The following BCL11A variants were observed in gnomAD, a reference collection of about 807,000 sequenced individuals.
The protein encoded by BCL11A is B cell CLL/lymphoma 11A.
A neutral mutation model predicts 55.9 loss-of-function variants in BCL11A; 2 were observed. The ratio of observed to expected loss-of-function variants is 0.04; its 90% CI spans 0.01 to 0.11. The LOEUF (loss-of-function observed/expected upper bound fraction) is 0.11. BCL11A is among the 10% of genes least tolerant of loss of function. The probability of loss-of-function intolerance (pLI) is 1.00; values close to 1 mark genes in which losing one functional copy is unlikely to be tolerated. For missense variants in BCL11A, 817 were observed against 1,137.1 expected, an observed-to-expected ratio of 0.72 and a Z score of 4.05; for synonymous variants, 465 against 473.4, an observed-to-expected ratio of 0.98 and a Z score of 0.23.
intron 2 of BCL11A, among the ~76,000 whole-genome samples, chr2:60,482,369 A>T (rs1678011891): frequency 6.6e-6 from 1 of 152,114 alleles, no homozygotes; most frequent in Non-Finnish European, 1.5e-5. Context: ...ACTGGAGAAA[A>T]GTGAGAAATG....
chr2:60,552,267 T>A (rs917284420), intron 1 of BCL11A, among the ~76,000 whole-genome samples: 2 of 152,042 alleles, frequency 1.3e-5, no homozygotes, highest in Admixed American at 1.3e-4. Flanking sequence ...TTTTATGTAT[T>A]TATTTATTTA....
Position 60,457,768 on chromosome 2 carries a change from C to G in BCL11A, c.*2636G>C. 1 of 1,034,370 alleles carries G rather than the reference C, an allele frequency of 9.7e-7. No individual in the cohort carries two copies. The highest frequency in any genetic ancestry group is 1.2e-6 in the Non-Finnish European group (1 of 861,516). The allele number at this position is 1,034,370 out of a possible 1,614,324, so 64.1% of individuals were successfully genotyped here. On this transcript the variant is annotated 3_prime_UTR_variant, in exon 4 of 4. Coordinates refer to ENST00000642384, the MANE Select transcript of BCL11A (RefSeq NM_022893.4). ...GTGATAGAAGGAAAGGGACAAAAAG[C>G]ACACTACATAACAAACCAACGTTAT... is the stretch of plus-strand genomic sequence containing the variant.
chr2:60,541,918 A>G (rs894493090), intron 2 of BCL11A: 3 of 709,486 alleles, frequency 4.2e-6, no homozygotes, highest in Non-Finnish European at 7.8e-6. Flanking sequence ...CCTCCAGTTC[A>G]GTCTGAGCTA....
At chr2:60,504,926 G>A (rs1313317301) in intron 2 of BCL11A, among the ~76,000 whole-genome samples, 1 of 152,142 alleles carries the variant, frequency 6.6e-6, no homozygotes, top group Non-Finnish European at 1.5e-5. Context: ...CCTTCTGCAA[G>A]CCACAACTTC....
intron 1 of BCL11A, among the ~76,000 whole-genome samples, chr2:60,551,135 G>A (rs1440256115): frequency 6.6e-6 from 1 of 152,212 alleles, no homozygotes. Context: ...CTTTAAAACT[G>A]CATCAAAAAT....
At chr2:60,499,277 AG>A (rs1451769246) in intron 2 of BCL11A, among the ~76,000 whole-genome samples, 1 of 152,156 alleles carries the variant, frequency 6.6e-6, no homozygotes, top group African/African-American at 2.4e-5. Flanking sequence ...ACAGAGCTGC[AG>A]GGGTGTGACG....
intron 2 of BCL11A, among the ~76,000 whole-genome samples, chr2:60,516,848 G>A (rs1180228761): frequency 6.6e-6 from 1 of 152,234 alleles, no homozygotes; most frequent in Non-Finnish European, 1.5e-5. Context: ...ATTGGACTCT[G>A]TAGTTATCAG....
In BCL11A at chr2:60,458,857, AAG is replaced by A; in HGVS notation, c.*1545_*1546del. The A allele has an allele frequency of 9.7e-7, 1 of 1,027,118 alleles. No homozygotes were observed. Among genetic ancestry groups the A allele is most frequent in the Non-Finnish European group, 1.2e-6 (1 of 853,022 alleles). 63.6% of individuals were successfully genotyped at this position (1,027,118 alleles called of 1,614,324 possible). A position where few individuals can be genotyped will look rare whatever the true frequency, so the allele number is the denominator to read the frequency against. On this transcript the variant is annotated 3_prime_UTR_variant, in exon 4 of 4. Transcript: ENST00000642384. ...TGGGGCAGATGCTAGCTTAATAAAA[AAG>A]AAAAAATTAAAAAAATAAAAATAAA...
At chr2:60,512,468 T>A (rs1240498792) in intron 2 of BCL11A, among the ~76,000 whole-genome samples, 2 of 152,212 alleles carry the variant, frequency 1.3e-5, no homozygotes, top group African/African-American at 4.8e-5. Flanking sequence ...GCCTCTCAAA[T>A]GAGAAAGGCA....
chr2:60,475,890 T>A (rs1677564521), intron 2 of BCL11A, among the ~76,000 whole-genome samples: 1 of 152,236 alleles, frequency 6.6e-6, no homozygotes, highest in African/African-American at 2.4e-5. Flanking sequence ...GAGAGACTGC[T>A]AGAGGAAAGT....
At chr2:60,490,135 G>T (rs946429270) in intron 2 of BCL11A, among the ~76,000 whole-genome samples, 2 of 152,166 alleles carry the variant, frequency 1.3e-5, no homozygotes, top group African/African-American at 4.8e-5. Context: ...ACAATATCTG[G>T]TTCCATTCTG....
At chr2:60,521,288 G>C (rs1317001315) in intron 2 of BCL11A, among the ~76,000 whole-genome samples, 2 of 152,376 alleles carry the variant, frequency 1.3e-5, no homozygotes, top group East Asian at 3.9e-4. Context: ...AGATAACTGA[G>C]TGACACTTGC....
intron 2 of BCL11A, among the ~76,000 whole-genome samples, chr2:60,538,989 G>C (rs919802420): frequency 1.3e-5 from 2 of 152,132 alleles, no homozygotes; most frequent in Non-Finnish European, 2.9e-5. Context: ...TGGTGAATTG[G>C]GAGGTGGCAG....
At chr2:60,520,988 G>C (rs1668953869) in intron 2 of BCL11A, among the ~76,000 whole-genome samples, 1 of 152,048 alleles carries the variant, frequency 6.6e-6, no homozygotes, top group South Asian at 2.1e-4. Context: ...AACCAAGTCT[G>C]GGAAACTATT....
At chr2:60,540,963 T>A (rs1265664250) in intron 2 of BCL11A, among the ~76,000 whole-genome samples, 2 of 151,108 alleles carry the variant, frequency 1.3e-5, no homozygotes, top group South Asian at 2.1e-4. Flanking sequence ...TGTGTGTGTG[T>A]GTGTGTGTGT....
chr2:60,475,157 A>C (rs532619659), intron 2 of BCL11A, among the ~76,000 whole-genome samples: 1 of 152,374 alleles, frequency 6.6e-6, no homozygotes, highest in African/African-American at 2.4e-5. Flanking sequence ...CATTCACATC[A>C]AAATATTGCA....
In BCL11A at chr2:60,458,586, T is replaced by C; in HGVS notation, c.*1818A>G. The C allele has an allele frequency of 9.6e-7, 1 of 1,037,170 alleles. No homozygotes were observed. Among genetic ancestry groups the C allele is most frequent in the Non-Finnish European group, 1.2e-6 (1 of 861,174 alleles). 64.2% of individuals were successfully genotyped at this position (1,037,170 alleles called of 1,614,324 possible). ...CAAGTAAGTAAGCTCAATAGTCAAG[T>C]AAATGGCTGGCAAAGTTTTTTTTTT... On this transcript the variant is annotated 3_prime_UTR_variant, in exon 4 of 4. Transcript: ENST00000642384.
At chr2:60,545,473 A>G (rs1387202130) in intron 2 of BCL11A, 1 of 158,724 alleles carries the variant, frequency 6.3e-6, no homozygotes, top group Non-Finnish European at 1.4e-5. Context: ...ACCACCTCCA[A>G]CTACCCTGCC....
intron 2 of BCL11A, among the ~76,000 whole-genome samples, chr2:60,506,858 T>G (rs924474136): frequency 6.6e-6 from 1 of 152,182 alleles, no homozygotes; most frequent in Non-Finnish European, 1.5e-5. Flanking sequence ...AAACATTCAA[T>G]TAATGTAATT....
Sources: gnomAD v4.1 joint callset for allele counts (sites outside exome capture counted in the v4.1 genomes callset) on GRCh38, gnomAD v4.1.1 for gene constraint, MANE v1.5 for transcripts, NCBI Gene and HGNC (gene_info 2026-07-23, HGNC 2026-07-21) for gene names.